Variants in CACNA2D3 observed in about 807,000 individuals in gnomAD.
CACNA2D3 encodes the protein calcium voltage-gated channel auxiliary subunit alpha2delta 3.
CACNA2D3 carries 60 observed loss-of-function variants against 160.6 expected under a neutral mutation model. That is an observed-to-expected ratio of 0.37 (90% CI 0.30 to 0.46). The LOEUF (loss-of-function observed/expected upper bound fraction) is 0.46. Ranked by LOEUF, CACNA2D3 falls within the 20% of genes least tolerant of loss-of-function variation. The pLI is 1.00. For synonymous variants in CACNA2D3, 558 were observed against 492.9 expected (o/e 1.13, Z -1.75); for missense variants, 1,205 against 1,365.0 (o/e 0.88, Z 1.85).
At chr3:54,669,364 T>A (rs1459464304) in intron 11 of CACNA2D3, among the ~76,000 whole-genome samples, 1 of 152,230 alleles carries the variant, frequency 6.6e-6, no homozygotes, top group African/African-American at 2.4e-5. Context: ...ATGATCTCTT[T>A]TCATGAGGGC....
chr3:55,072,580 G>T (rs181304567), intron 35 of CACNA2D3, among the ~76,000 whole-genome samples: 6 of 152,316 alleles, frequency 3.9e-5, no homozygotes, highest in Non-Finnish European at 7.3e-5. Flanking sequence ...CTATTAAACT[G>T]AATTTAATGA....
At chr3:54,449,960 AT>A (rs1245976148) in intron 4 of CACNA2D3, among the ~76,000 whole-genome samples, 3 of 152,204 alleles carry the variant, frequency 2.0e-5, no homozygotes, top group African/African-American at 7.2e-5. Flanking sequence ...TCTTTTGGAT[AT>A]TTTTTATATA....
chr3:54,698,556 G>A (rs1006733578), intron 11 of CACNA2D3, among the ~76,000 whole-genome samples: 1 of 152,164 alleles, frequency 6.6e-6, no homozygotes, highest in Middle Eastern at 3.4e-3. Flanking sequence ...TTTTGAAAAC[G>A]CTAAACACCA....
chr3:54,518,138 TC>T (rs1701583755), intron 5 of CACNA2D3, among the ~76,000 whole-genome samples: 1 of 152,110 alleles, frequency 6.6e-6, no homozygotes, highest in Admixed American at 6.5e-5. Context: ...GGTGGAATTT[TC>T]CCCTGCTAAA....
intron 3 of CACNA2D3, among the ~76,000 whole-genome samples, chr3:54,382,042 G>A (rs1397514430): frequency 6.6e-6 from 1 of 152,114 alleles, no homozygotes; most frequent in Non-Finnish European, 1.5e-5. Context: ...CAAAACTGCT[G>A]TTTTCTCTTA....
chr3:54,923,000 G>A (rs1700897810), intron 27 of CACNA2D3, among the ~76,000 whole-genome samples: 1 of 152,136 alleles, frequency 6.6e-6, no homozygotes. Flanking sequence ...CATTGATCAT[G>A]TCTCACCACC....
chr3:54,450,456 A>G (rs1700286974), intron 4 of CACNA2D3, among the ~76,000 whole-genome samples: 1 of 152,066 alleles, frequency 6.6e-6, no homozygotes, highest in Non-Finnish European at 1.5e-5. Flanking sequence ...TGAATCTCAT[A>G]TTGAAATTTG....
chr3:54,925,108 GCTGGCTGCAGTCTACAAAATTTGT>G, intron 27 of CACNA2D3: 1 of 1,614,110 alleles, frequency 6.2e-7, no homozygotes. Context: ...GCCAGACCCT[GCTGGCTGCAGTCTACAAAATTTGT>G]AGATGACTGA....
intron 4 of CACNA2D3, among the ~76,000 whole-genome samples, chr3:54,443,710 T>C (rs1700178629): frequency 6.6e-6 from 1 of 152,140 alleles, no homozygotes; most frequent in African/African-American, 2.4e-5. Flanking sequence ...GTCGGCTACA[T>C]TGTGTTCAGC....
intron 13 of CACNA2D3, among the ~76,000 whole-genome samples, chr3:54,767,578 C>T (rs763831704): frequency 2.0e-5 from 3 of 152,036 alleles, no homozygotes; most frequent in South Asian, 4.2e-4. Flanking sequence ...CCATCCAGTA[C>T]CCAGATTCTG....
chr3:54,167,869 A>G (rs189857143), intron 2 of CACNA2D3, among the ~76,000 whole-genome samples: 9 of 152,214 alleles, frequency 5.9e-5, no homozygotes, highest in African/African-American at 2.2e-4. Flanking sequence ...GGCTCCCTGT[A>G]GATTCTTATC....
chr3:54,811,841 C>T (rs375587998), intron 13 of CACNA2D3, among the ~76,000 whole-genome samples: 3 of 152,138 alleles, frequency 2.0e-5, no homozygotes, highest in Non-Finnish European at 2.9e-5. Flanking sequence ...GTCTGGTCAC[C>T]GGCCTTCCTT....
intron 35 of CACNA2D3, among the ~76,000 whole-genome samples, chr3:55,024,966 G>T (rs1198998813): frequency 6.6e-6 from 1 of 152,130 alleles, no homozygotes; most frequent in African/African-American, 2.4e-5. Flanking sequence ...TAATGATTGA[G>T]ATCCTTTTTG....
At chr3:54,493,758 G>A (rs957688501) in intron 4 of CACNA2D3, among the ~76,000 whole-genome samples, 6 of 152,226 alleles carry the variant, frequency 3.9e-5, no homozygotes, top group African/African-American at 1.4e-4. Flanking sequence ...ACTACAGCCT[G>A]AAGGCCAAAT....
At chr3:54,374,339 T>C (rs1335056020) in intron 3 of CACNA2D3, among the ~76,000 whole-genome samples, 5 of 152,260 alleles carry the variant, frequency 3.3e-5, no homozygotes, top group African/African-American at 1.2e-4. Flanking sequence ...AGAATATTGG[T>C]TTCTTCTCTT....
At chr3:54,297,187 C>G (rs1367505620) in intron 2 of CACNA2D3, among the ~76,000 whole-genome samples, 1 of 152,182 alleles carries the variant, frequency 6.6e-6, no homozygotes, top group Non-Finnish European at 1.5e-5. Context: ...CCCTGTAGCC[C>G]CAGGTTGTGC....
Position 54,809,315 on chromosome 3 carries a change from T to C in CACNA2D3, c.1381-7538T>C, listed in dbSNP as rs796354227. On this transcript the variant is annotated intron_variant, in intron 13 of 37. Coordinates refer to ENST00000474759, the MANE Select transcript of CACNA2D3 (RefSeq NM_018398.3). ...TCTTTCCTTCCTTCCTTCTTTCTTT[T>C]TTTTTTTTTTTTTTGAGACGGAGTC... Among the ~76,000 whole-genome samples the C allele has an allele frequency of 7.8e-4, 79 of 101,870 alleles. 5 individuals carry two copies. The highest frequency in any genetic ancestry group is 3.5e-3 in the African/African-American group (69 of 19,584). 66.8% of individuals were successfully genotyped at this position (101,870 alleles called of 152,430 possible). A position where few individuals can be genotyped will look rare whatever the true frequency, so the allele number is the denominator to read the frequency against.
chr3:55,045,999 CT>C (rs1457500429), intron 35 of CACNA2D3, among the ~76,000 whole-genome samples: 1 of 151,752 alleles, frequency 6.6e-6, no homozygotes, highest in Non-Finnish European at 1.5e-5. Context: ...GGACTTTCTT[CT>C]TTCTAATATA....
In CACNA2D3 at chr3:55,042,483, A is replaced by G. The variant is rs59843764; in HGVS notation, c.2987+24166A>G. ...CCAAACCAGCTTTCTTCCACTTAGAATTAGCATGTTACATCTTTTACCATC... is the reference window on the plus strand; with the variant it reads ...CCAAACCAGCTTTCTTCCACTTAGAGTTAGCATGTTACATCTTTTACCATC... On this transcript the variant is annotated intron_variant, in intron 35 of 37. Transcript: ENST00000474759. Among the ~76,000 whole-genome samples, 4 of 152,270 alleles carry G rather than the reference A, an allele frequency of 2.6e-5. No individual in the cohort carries two copies. In the South Asian group the frequency reaches 8.3e-4, roughly 32 times the overall value.
Sources: gnomAD v4.1 joint callset for allele counts (sites outside exome capture counted in the v4.1 genomes callset) on GRCh38, gnomAD v4.1.1 for gene constraint, MANE v1.5 for transcripts, NCBI Gene and HGNC (gene_info 2026-07-23, HGNC 2026-07-21) for gene names.